The following SLC39A10 variants were observed in gnomAD, a reference collection of about 807,000 sequenced individuals.
SLC39A10 encodes zinc transporter ZIP10.
In SLC39A10, 13 loss-of-function variants were observed where a neutral mutation model predicts 65.1. The ratio of observed to expected loss-of-function variants is 0.20; its 90% CI spans 0.13 to 0.32. The LOEUF (loss-of-function observed/expected upper bound fraction) is 0.32, where lower values mean the gene tolerates loss of function less well. Among genes scored for constraint, SLC39A10 ranks in the 10% least tolerant of loss-of-function variants. The probability of loss-of-function intolerance (pLI) is 1.00; values close to 1 mark genes in which losing one functional copy is unlikely to be tolerated. For missense variants in SLC39A10, 831 were observed against 1,018.4 expected (o/e 0.82, Z 2.50); for synonymous variants, 321 against 342.2 (o/e 0.94, Z 0.68).
chr2:195,620,721 A>G (rs1204453820), intron 2 of SLC39A10, among the ~76,000 whole-genome samples: 1 of 152,198 alleles, frequency 6.6e-6, no homozygotes, highest in Non-Finnish European at 1.5e-5. Flanking sequence ...CATTCATTGA[A>G]TAACTATTTA....
intron 3 of SLC39A10, among the ~76,000 whole-genome samples, chr2:195,706,108 T>C (rs920847443): frequency 6.6e-6 from 1 of 152,084 alleles, no homozygotes; most frequent in African/African-American, 2.4e-5. Context: ...TAATAAGACT[T>C]TTTTGTTATC....
At chr2:195,690,635 CTT>C (rs1690703866) in intron 3 of SLC39A10, among the ~76,000 whole-genome samples, 4 of 152,094 alleles carry the variant, frequency 2.6e-5, no homozygotes. Context: ...TGTTGAGCAT[CTT>C]TTCATGTGCT....
intron 3 of SLC39A10, among the ~76,000 whole-genome samples, chr2:195,685,631 G>A (rs1040188394): frequency 6.6e-6 from 1 of 152,162 alleles, no homozygotes; most frequent in Middle Eastern, 3.4e-3. Context: ...TGACGACTAC[G>A]ATTCTTCAAA....
rs1262571419 is a variant in SLC39A10, at chr2:195,735,059, T to G, written c.*18T>G. 7 of 1,603,388 alleles carry G rather than the reference T, an allele frequency of 4.4e-6. No individual in the cohort carries two copies. Among genetic ancestry groups the G allele is most frequent in the Non-Finnish European group, 6.0e-6 (7 of 1,175,136 alleles). On this transcript the variant is annotated 3_prime_UTR_variant, in exon 10 of 10. Coordinates refer to ENST00000359634, the MANE Select transcript of SLC39A10 (RefSeq NM_020342.3). ...AGTTTTGACCTTTCCCAGTAATCACTGTTGATTACGAGAATGTTACCATGC... is the reference window on the plus strand; with the variant it reads ...AGTTTTGACCTTTCCCAGTAATCACGGTTGATTACGAGAATGTTACCATGC...
chr2:195,704,404 A>T (rs991472276), intron 3 of SLC39A10, among the ~76,000 whole-genome samples: 1 of 152,172 alleles, frequency 6.6e-6, no homozygotes. Context: ...TGTCCCATGT[A>T]GTTATTGTAA....
intron 2 of SLC39A10, among the ~76,000 whole-genome samples, chr2:195,624,434 CA>C (rs200050997): frequency 1.5e-5 from 2 of 137,720 alleles, no homozygotes; most frequent in African/African-American, 5.4e-5. Flanking sequence ...AAAAACAAGA[CA>C]AAAAAATCAC....
chr2:195,654,623 AT>A (rs1377661648), upstream of SLC39A10, among the ~76,000 whole-genome samples: 1,474 of 152,264 alleles, frequency 9.7e-3, 24 homozygotes, highest in African/African-American at 0.033. Flanking sequence ...CATTTATACT[AT>A]TTTTATAGTT....
At chr2:195,654,400 T>C (rs1004285573), upstream of SLC39A10, among the ~76,000 whole-genome samples, 2 of 152,214 alleles carry the variant, frequency 1.3e-5, no homozygotes, top group African/African-American at 2.4e-5. Flanking sequence ...ATTTCCTCTT[T>C]TGTATTAATA....
intron 8 of SLC39A10, among the ~76,000 whole-genome samples, chr2:195,723,955 CAATT>C (rs1692143957): frequency 1.3e-5 from 2 of 152,052 alleles, no homozygotes; most frequent in East Asian, 1.9e-4. Context: ...TATTAAGACT[CAATT>C]AAGAGAGGTT....
At chr2:195,635,708 C>CTTTTTTTT (rs61132041) in intron 2 of SLC39A10, among the ~76,000 whole-genome samples, 1 of 141,814 alleles carries the variant, frequency 7.1e-6, no homozygotes, top group Non-Finnish European at 1.5e-5. Context: ...ACCCCCCCCA[C>CTTTTTTTT]TTTTTTTTTT....
intron 2 of SLC39A10, among the ~76,000 whole-genome samples, chr2:195,646,789 T>C (rs1688928789): frequency 6.6e-6 from 1 of 152,200 alleles, no homozygotes; most frequent in African/African-American, 2.4e-5. Flanking sequence ...GCACGAACCC[T>C]ATGGTGAACC....
chr2:195,614,040 C>G (rs2105678828), intron 2 of SLC39A10, among the ~76,000 whole-genome samples: 1 of 152,280 alleles, frequency 6.6e-6, no homozygotes, highest in Non-Finnish European at 1.5e-5. Flanking sequence ...AGTCTCTAGT[C>G]TCTAGTTGGA....
At chr2:195,655,398 G>A (rs1689125126), upstream of SLC39A10, among the ~76,000 whole-genome samples, 1 of 152,152 alleles carries the variant, frequency 6.6e-6, no homozygotes, top group African/African-American at 2.4e-5. Flanking sequence ...GACTGCAAGC[G>A]CTATATCTTA....
chr2:195,706,619 G>A lies in SLC39A10; in HGVS notation c.1220G>A (p.Trp407Ter). Residue 407 changes from tryptophan (W) to a stop codon, truncating the protein, a stop_gained, in exon 4 of 10, where the codon TGG becomes TAG. Transcript: ENST00000359634. LOFTEE classifies it high-confidence loss of function. ...EDEANIGASA[W>*]ICGIISITVI... ...ACTCTTAATTTCTTTTCTACAGCCT[G>A]GATTTGTGGTATCATTTCTATCACT... The A allele has an allele frequency of 6.2e-7, 1 of 1,610,318 alleles. No individual in the cohort carries two copies. Among genetic ancestry groups the A allele is most frequent in the Admixed American group, 1.7e-5 (1 of 59,654 alleles).
At chr2:195,682,896 A>C (rs1254791493) in intron 2 of SLC39A10, among the ~76,000 whole-genome samples, 1 of 151,710 alleles carries the variant, frequency 6.6e-6, no homozygotes, top group African/African-American at 2.4e-5. Flanking sequence ...TTCTGTGTTT[A>C]TAGGTTTTGA....
chr2:195,663,321 G>T (rs1689480177), intron 1 of SLC39A10, among the ~76,000 whole-genome samples: 1 of 152,136 alleles, frequency 6.6e-6, no homozygotes, highest in Admixed American at 6.5e-5. Flanking sequence ...TTCTACTGAA[G>T]ATGACTCCTT....
intron 1 of SLC39A10, among the ~76,000 whole-genome samples, chr2:195,676,440 T>C (rs1690093355): frequency 6.6e-6 from 1 of 152,088 alleles, no homozygotes; most frequent in Admixed American, 6.5e-5. Context: ...CATCATGATA[T>C]GTGCTTTGTG....
intron 9 of SLC39A10, 53 bp from the exon 10 acceptor site, chr2:195,734,830 T>G: frequency 3.4e-6 from 5 of 1,485,832 alleles, no homozygotes; most frequent in Non-Finnish European, 4.5e-6. Context: ...TTTTAAAAAC[T>G]GTTTTGAGCA....
At chr2:195,632,834 G>C (rs1688616967) in intron 2 of SLC39A10, among the ~76,000 whole-genome samples, 8 of 152,118 alleles carry the variant, frequency 5.3e-5, no homozygotes, top group Admixed American at 5.2e-4. Flanking sequence ...GCAATTCAAT[G>C]ATATTTAATG....
Sources: allele counts gnomAD v4.1 joint callset (sites outside exome capture counted in the v4.1 genomes callset), GRCh38; gene constraint gnomAD v4.1.1; transcripts MANE v1.5; gene names NCBI Gene and HGNC (gene_info 2026-07-23, HGNC 2026-07-21).